The following FYB2 variants were observed in gnomAD, a reference collection of about 807,000 sequenced individuals.
FYB2 encodes the protein FYN binding protein 2.
FYB2 carries 103 observed loss-of-function variants against 94.1 expected under a neutral mutation model. The observed-to-expected ratio is 1.09, with a 90% CI of 0.93 to 1.29. FYB2 has a LOEUF of 1.29. Ranked by LOEUF, FYB2 falls within the 50% of genes most tolerant of loss-of-function variation. The pLI is 0.00. For missense variants in FYB2, 896 were observed against 841.5 expected, an observed-to-expected ratio of 1.06 and a Z score of -0.80; for synonymous variants, 293 against 287.9, an observed-to-expected ratio of 1.02 and a Z score of -0.18.
At chr1:56,786,615 C>T (rs1273156920) in intron 4 of FYB2, among the ~76,000 whole-genome samples, 2 of 152,028 alleles carry the variant, frequency 1.3e-5, no homozygotes, top group Admixed American at 1.3e-4. Flanking sequence ...CTTTCTGAGC[C>T]CAAGTATCTT....
At chr1:56,806,782 T>G (rs1570235891) in intron 1 of FYB2, among the ~76,000 whole-genome samples, 1 of 146,198 alleles carries the variant, frequency 6.8e-6, no homozygotes, top group Non-Finnish European at 1.5e-5. Flanking sequence ...ATTGCTTCGA[T>G]ACTAAAACTT....
intron 4 of FYB2, among the ~76,000 whole-genome samples, 182 bp downstream of exon 4, chr1:56,786,993 T>G (rs969023830): frequency 6.6e-6 from 1 of 152,180 alleles, no homozygotes; most frequent in Non-Finnish European, 1.5e-5. Context: ...ACGTGTTAAA[T>G]GCAATTTATT....
intron 5 of FYB2, among the ~76,000 whole-genome samples, chr1:56,764,973 G>A (rs1645587220): frequency 6.6e-6 from 1 of 152,184 alleles, no homozygotes; most frequent in Non-Finnish European, 1.5e-5. Context: ...ATGACCTCAT[G>A]TAATACTAAC....
intron 6 of FYB2, among the ~76,000 whole-genome samples, chr1:56,756,900 A>G (rs1645346137): frequency 6.6e-6 from 1 of 152,166 alleles, no homozygotes. Context: ...AGGGAAAAGA[A>G]TACAAAAAAC....
intron 4 of FYB2, among the ~76,000 whole-genome samples, chr1:56,770,805 C>T (rs913553465): frequency 2.6e-5 from 4 of 151,848 alleles, no homozygotes. Context: ...AAAGACAAAC[C>T]CATAGAAAAT....
At chr1:56,728,232 C>T (rs2100517073) in intron 15 of FYB2, among the ~76,000 whole-genome samples, 1 of 152,210 alleles carries the variant, frequency 6.6e-6, no homozygotes, top group African/African-American at 2.4e-5. Context: ...TCTTCTTTTG[C>T]TCCCAGTCTT....
At chr1:56,818,775 G>A (rs367891720) in intron 1 of FYB2, among the ~76,000 whole-genome samples, 407 of 152,208 alleles carry the variant, frequency 2.7e-3, no homozygotes, top group Middle Eastern at 0.017. Flanking sequence ...TCAGGATGAC[G>A]GACACACTTG....
chr1:56,765,445 A>C (rs558475787), intron 5 of FYB2, among the ~76,000 whole-genome samples: 2 of 152,022 alleles, frequency 1.3e-5, no homozygotes, highest in South Asian at 2.1e-4. Context: ...CTCTGACATC[A>C]CTCCAGTGGA....
intron 15 of FYB2, chr1:56,732,021 A>C (rs1354104434): frequency 6.6e-6 from 1 of 152,140 alleles, no homozygotes; most frequent in Non-Finnish European, 1.5e-5. Context: ...AGGACATCAA[A>C]ATGAGAAAGG....
chr1:56,804,917 C>G (rs1428192607), intron 1 of FYB2, among the ~76,000 whole-genome samples: 1 of 152,170 alleles, frequency 6.6e-6, no homozygotes, highest in Non-Finnish European at 1.5e-5. Context: ...CCCACCACTT[C>G]CTGCCTCTAA....
chr1:56,737,088 T>C lies in FYB2; in HGVS notation c.1792A>G (p.Lys598Glu). ...DDVDLSEKESKDEDKLKMWKP... is the reference protein window; with the variant it reads ...DDVDLSEKESEDEDKLKMWKP... Reference sequence around the variant, plus strand: ...TGACCAATAAGGTAAATTACTTACTTTGACTCTTTTTCACTCAGGTCTACA... The same window carrying C: ...TGACCAATAAGGTAAATTACTTACTCTGACTCTTTTTCACTCAGGTCTACA... Residue 598 changes from lysine (K) to glutamate (E), a missense_variant and splice_region_variant, in exon 15 of 20, where the codon AAA becomes GAA. Lys to Glu is a moderately conservative substitution (Grantham distance 56). Coordinates refer to ENST00000343433, the MANE Select transcript of FYB2 (RefSeq NM_001004303.5). 1 of 1,598,964 alleles carries C rather than the reference T, an allele frequency of 6.3e-7. No homozygotes were observed. Among genetic ancestry groups the C allele is most frequent in the South Asian group, 1.1e-5 (1 of 90,098 alleles).
chr1:56,793,517 C>T (rs1224614052), intron 1 of FYB2, among the ~76,000 whole-genome samples: 1 of 152,046 alleles, frequency 6.6e-6, no homozygotes, highest in African/African-American at 2.4e-5. Flanking sequence ...CAAGTAGGAG[C>T]TAAACACTGA....
chr1:56,792,918 G>T, intron 1 of FYB2, 115 bp from the exon 2 acceptor site: 2 of 1,104,780 alleles, frequency 1.8e-6, no homozygotes, highest in Non-Finnish European at 2.6e-6. Context: ...AGATCTCACT[G>T]ATCTCACCAT....
chr1:56,815,439 C>T (rs566560258), intron 1 of FYB2, among the ~76,000 whole-genome samples: 4 of 152,236 alleles, frequency 2.6e-5, no homozygotes, highest in Admixed American at 6.5e-5. Flanking sequence ...ACACTCTTCC[C>T]GGCAAAGCTG....
chr1:56,741,660 T>C (rs192418318), intron 12 of FYB2, among the ~76,000 whole-genome samples: 221 of 152,140 alleles, frequency 1.5e-3, no homozygotes, highest in Admixed American at 2.5e-3. Context: ...ACTAAACTTG[T>C]AGAATAATAC....
At chr1:56,808,151 A>G (rs1200560339) in intron 1 of FYB2, among the ~76,000 whole-genome samples, 4 of 152,118 alleles carry the variant, frequency 2.6e-5, no homozygotes, top group Non-Finnish European at 5.9e-5. Flanking sequence ...TTACTCTGCC[A>G]CTATACAGCA....
chr1:56,720,964 A>G (rs1315048141), intron 17 of FYB2: 1 of 151,834 alleles, frequency 6.6e-6, no homozygotes, highest in Non-Finnish European at 1.5e-5. Flanking sequence ...TCTAGATGAC[A>G]CTCTTTCCAT....
intron 4 of FYB2, among the ~76,000 whole-genome samples, chr1:56,778,175 C>T (rs949118797): frequency 6.6e-6 from 1 of 152,132 alleles, no homozygotes; most frequent in Non-Finnish European, 1.5e-5. Flanking sequence ...ATGACCAACT[C>T]TTTCTCAACC....
intron 1 of FYB2, among the ~76,000 whole-genome samples, chr1:56,797,589 C>T (rs1019181504): frequency 2.0e-5 from 3 of 152,082 alleles, no homozygotes; most frequent in African/African-American, 4.8e-5. Context: ...AGGGTGTGGC[C>T]GCTCAGGGAA....
Sources: allele counts gnomAD v4.1 joint callset (sites outside exome capture counted in the v4.1 genomes callset), GRCh38; gene constraint gnomAD v4.1.1; transcripts MANE v1.5; gene names NCBI Gene and HGNC (gene_info 2026-07-23, HGNC 2026-07-21).